The following CYP2C18 variants were observed in gnomAD, a reference collection of about 807,000 sequenced individuals.
CYP2C18 encodes cytochrome P450 2C18.
In CYP2C18, 38 loss-of-function variants were observed where a neutral mutation model predicts 41.3. That is an observed-to-expected ratio of 0.92 (90% CI 0.71 to 1.21). The LOEUF (loss-of-function observed/expected upper bound fraction) is 1.21. CYP2C18 is among the 50% of genes most tolerant of loss of function. The pLI, the probability that CYP2C18 is intolerant of heterozygous loss-of-function variation, is 0.00. For missense variants in CYP2C18, 635 were observed against 591.4 expected, an observed-to-expected ratio of 1.07 and a Z score of -0.77; for synonymous variants, 236 against 210.0, an observed-to-expected ratio of 1.12 and a Z score of -1.07.
intron 6 of CYP2C18, among the ~76,000 whole-genome samples, chr10:94,724,088 T>G (rs1847691731): frequency 6.6e-6 from 1 of 151,942 alleles, no homozygotes; most frequent in African/African-American, 2.4e-5. Context: ...TTTTGAAGTA[T>G]TTTATCATTT....
intron 5 of CYP2C18, among the ~76,000 whole-genome samples, chr10:94,713,737 A>G (rs1273262042): frequency 6.6e-6 from 1 of 152,164 alleles, no homozygotes; most frequent in Admixed American, 6.5e-5. Flanking sequence ...CTAGTTCTAG[A>G]TCCTTGAGGA....
intron 5 of CYP2C18, among the ~76,000 whole-genome samples, chr10:94,712,001 C>T (rs1034015570): frequency 7.1e-5 from 8 of 111,938 alleles, no homozygotes; most frequent in Non-Finnish European, 1.3e-4. Context: ...GCCACCATGC[C>T]CAACTAATTT....
At position 94,683,868 on chromosome 10, in the gene CYP2C18, C is replaced by T. The variant is rs549136059; in HGVS notation, c.49C>T (p.Leu17Phe). 213 of 1,610,858 alleles carry T rather than the reference C, an allele frequency of 1.3e-4. 3 individuals are homozygous for T. In the South Asian group the frequency reaches 2.3e-3, roughly 17 times the overall value. ...GCTCTGTCTCTCCTGTTTGTTTCTC[C>T]TTTCACTCTGGAGGCAGAGCTCTGG... ...LVLCLSCLFL[L>F]SLWRQSSGRG... Residue 17 changes from leucine to phenylalanine, a missense_variant, in exon 1 of 9, where the codon CTT becomes TTT. Leu to Phe is a conservative substitution (Grantham distance 22). Coordinates refer to ENST00000285979, the MANE Select transcript of CYP2C18 (RefSeq NM_000772.3).
intron 4 of CYP2C18, 118 bp downstream of exon 4, chr10:94,695,195 A>C (rs1032474284): frequency 1.6e-5 from 15 of 933,722 alleles, no homozygotes; most frequent in Non-Finnish European, 2.1e-5. Flanking sequence ...CAGAATGGGC[A>C]GGTTTGTCAC....
chr10:94,724,555 T>C (rs759750325), intron 7 of CYP2C18, 22 bp downstream of exon 7: 3 of 1,601,248 alleles, frequency 1.9e-6, no homozygotes, highest in Non-Finnish European at 2.6e-6. Flanking sequence ...TCTCCTACAC[T>C]ACATCTCCAT....
chr10:94,714,497 G>T (rs1198357322), intron 5 of CYP2C18, among the ~76,000 whole-genome samples: 1 of 152,144 alleles, frequency 6.6e-6, no homozygotes, highest in Non-Finnish European at 1.5e-5. Context: ...TAGATGTGCG[G>T]TATTATTTCT....
chr10:94,717,333 C>A (rs1015189249), intron 5 of CYP2C18, among the ~76,000 whole-genome samples: 1 of 152,080 alleles, frequency 6.6e-6, no homozygotes, highest in Non-Finnish European at 1.5e-5. Flanking sequence ...TTTTTGCTTT[C>A]CATGTTTAGT....
At chr10:94,693,296 T>G (rs1847047481) in intron 3 of CYP2C18, among the ~76,000 whole-genome samples, 1 of 152,168 alleles carries the variant, frequency 6.6e-6, no homozygotes, top group Non-Finnish European at 1.5e-5. Context: ...TGAGTTTTCA[T>G]GAAATCTAAA....
chr10:94,733,229 G>A (rs762488400), intron 7 of CYP2C18, 68 bp from the exon 8 acceptor site: 36 of 1,464,872 alleles, frequency 2.5e-5, no homozygotes, highest in Non-Finnish European at 3.2e-5. Flanking sequence ...TGGACTAGGT[G>A]ATTTCCATCA....
intron 7 of CYP2C18, among the ~76,000 whole-genome samples, chr10:94,726,496 A>C (rs34367065): frequency 0.25 from 38,294 of 151,914 alleles, 5,111 homozygotes; most frequent in South Asian, 0.45. Flanking sequence ...CAGCTTCATC[A>C]ATGTCCCTGC....
chr10:94,730,813 T>C (rs1037584693), intron 7 of CYP2C18, among the ~76,000 whole-genome samples: 1 of 152,086 alleles, frequency 6.6e-6, no homozygotes, highest in African/African-American at 2.4e-5. Context: ...CTGGAAGGGA[T>C]AAATGACCAG....
intron 1 of CYP2C18, among the ~76,000 whole-genome samples, chr10:94,685,222 T>C (rs74615912): frequency 0.012 from 1,847 of 152,100 alleles, 54 homozygotes; most frequent in African/African-American, 0.043. Context: ...TTTGTAGAGA[T>C]GTGGTCTCAT....
intron 3 of CYP2C18, among the ~76,000 whole-genome samples, chr10:94,690,648 A>G (rs1397784466): frequency 6.6e-6 from 1 of 152,214 alleles, no homozygotes; most frequent in African/African-American, 2.4e-5. Context: ...CAATAGAAAA[A>G]GAGGGAATCC....
At chr10:94,696,238 G>C (rs1023277495) in intron 4 of CYP2C18, among the ~76,000 whole-genome samples, 1 of 152,092 alleles carries the variant, frequency 6.6e-6, no homozygotes, top group African/African-American at 2.4e-5. Flanking sequence ...CCCCAGTAGG[G>C]GCAGACTGAC....
At chr10:94,713,168 T>A (rs12781477) in intron 5 of CYP2C18, among the ~76,000 whole-genome samples, 1 of 151,832 alleles carries the variant, frequency 6.6e-6, no homozygotes, top group Non-Finnish European at 1.5e-5. Context: ...CCAATGTTAT[T>A]TTTTCTCATA....
At position 94,695,076 on chromosome 10, in the gene CYP2C18, A is replaced by T; in HGVS notation, c.641A>T (p.Gln214Leu). The T allele has an allele frequency of 1.2e-6, 2 of 1,604,246 alleles. No individual in the cohort carries two copies. Among genetic ancestry groups the T allele is most frequent in the East Asian group, 4.5e-5 (2 of 44,690 alleles). ...NLRILSSPWI[Q>L]VCNNFPALID... The stretch of plus-strand genomic sequence containing the variant: ...AGGATTCTGAGCTCTCCATGGATCC[A>T]GGTGAGATCAAGAGCTTCTCTTCCT... The change falls in exon 4 of 9, where the codon CAG becomes CTG. Residue 214 changes from glutamine (Q) to leucine (L), a missense_variant and splice_region_variant. Coordinates refer to ENST00000285979, the MANE Select transcript of CYP2C18 (RefSeq NM_000772.3).
intron 4 of CYP2C18, among the ~76,000 whole-genome samples, chr10:94,703,669 GC>G (rs1472169400): frequency 1.3e-5 from 2 of 152,294 alleles, no homozygotes; most frequent in East Asian, 3.9e-4. Context: ...AGCTTGCTGG[GC>G]CCCATGAGGG....
chr10:94,715,799 A>G (rs914362837), intron 5 of CYP2C18, among the ~76,000 whole-genome samples: 1 of 150,490 alleles, frequency 6.6e-6, no homozygotes, highest in Non-Finnish European at 1.5e-5. Context: ...TTGGCTGTGA[A>G]TCCATCTGGT....
At chr10:94,692,006 T>C (rs4515905) in intron 3 of CYP2C18, among the ~76,000 whole-genome samples, 146,819 of 152,258 alleles carry the variant, frequency 0.96, 71,003 homozygotes, top group East Asian at 1. Flanking sequence ...TTCCTTACAC[T>C]TGATACAAAA....
Sources: allele counts gnomAD v4.1 joint callset (sites outside exome capture counted in the v4.1 genomes callset), GRCh38; gene constraint gnomAD v4.1.1; transcripts MANE v1.5; gene names NCBI Gene and HGNC (gene_info 2026-07-23, HGNC 2026-07-21).